The following MTUS2 variants were observed in gnomAD, a reference collection of about 807,000 sequenced individuals.
MTUS2 encodes microtubule-associated tumor suppressor candidate 2.
A neutral mutation model predicts 114.1 loss-of-function variants in MTUS2; 40 were observed. That is an observed-to-expected ratio of 0.35 (90% confidence interval 0.27 to 0.46). The LOEUF (loss-of-function observed/expected upper bound fraction) is 0.46, where lower values mean the gene tolerates loss of function less well. Among genes scored for constraint, MTUS2 ranks in the 20% least tolerant of loss-of-function variants. The pLI is 1.00. For missense variants in MTUS2, 1,679 were observed against 1,705.4 expected (o/e 0.98, Z 0.27); for synonymous variants, 688 against 672.0 (o/e 1.02, Z -0.37).
chr13:29,164,732 G>A (rs1400801594), intron 5 of MTUS2, among the ~76,000 whole-genome samples: 2 of 152,120 alleles, frequency 1.3e-5, no homozygotes, highest in Non-Finnish European at 2.9e-5. Context: ...AATGGTGGGT[G>A]ATTTCTGATA....
intron 5 of MTUS2, among the ~76,000 whole-genome samples, chr13:29,121,860 A>G (rs1182824250): frequency 6.6e-6 from 1 of 151,540 alleles, no homozygotes; most frequent in Non-Finnish European, 1.5e-5. Context: ...GGGTTTCTCC[A>G]TGTTGGTCAG....
chr13:29,437,219 T>A (rs1877479541), intron 8 of MTUS2, among the ~76,000 whole-genome samples: 1 of 152,264 alleles, frequency 6.6e-6, no homozygotes, highest in Non-Finnish European at 1.5e-5. Flanking sequence ...GATTGTTCAC[T>A]GCCTGGCCCA....
intron 6 of MTUS2, among the ~76,000 whole-genome samples, chr13:29,307,963 C>A (rs924071549): frequency 7.2e-5 from 11 of 152,102 alleles, no homozygotes; most frequent in South Asian, 2.1e-4. Flanking sequence ...TCAATAAAGT[C>A]CCCTGTGCTC....
At chr13:29,340,015 G>C (rs1396249711) in intron 7 of MTUS2, 1 of 152,502 alleles carries the variant, frequency 6.6e-6, no homozygotes, top group African/African-American at 2.4e-5. Context: ...TGCGGCCGGG[G>C]CCAAGTGTGC....
intron 8 of MTUS2, among the ~76,000 whole-genome samples, chr13:29,398,599 CA>C (rs1445452553): frequency 6.6e-6 from 1 of 151,554 alleles, no homozygotes; most frequent in Non-Finnish European, 1.5e-5. Flanking sequence ...AAACTAAAAG[CA>C]AAAAATCTAA....
At position 29,198,687 on chromosome 13, in the gene MTUS2, C is replaced by T. The variant is rs534657236; in HGVS notation, c.2645-83017C>T. On this transcript the variant is annotated intron_variant, in intron 5 of 15. Coordinates refer to ENST00000612955, the MANE Select transcript of MTUS2 (RefSeq NM_001033602.4). ...TATGGCCATTTTCATGAAATTGATT[C>T]TTCCTATCCATGAGCATGGAATGTT... is the stretch of plus-strand genomic sequence containing the variant. Among the ~76,000 whole-genome samples, 53 of 152,090 alleles carry T rather than the reference C, an allele frequency of 3.5e-4. 1 individual carries two copies. Among genetic ancestry groups the T allele is most frequent in the Non-Finnish European group, 7.4e-4 (50 of 68,020 alleles).
At chr13:28,943,981 G>A (rs1593320055) in intron 2 of MTUS2, among the ~76,000 whole-genome samples, 3 of 152,014 alleles carry the variant, frequency 2.0e-5, no homozygotes, top group Non-Finnish European at 4.4e-5. Flanking sequence ...TTTTTTCCTA[G>A]TTTTTTGTTT....
chr13:29,368,159 C>CG (rs1870893135), intron 8 of MTUS2, among the ~76,000 whole-genome samples: 2 of 151,750 alleles, frequency 1.3e-5, no homozygotes, highest in South Asian at 4.2e-4. Flanking sequence ...AGGATGGTCT[C>CG]GATCTCCTGA....
At position 29,216,877 on chromosome 13, in the gene MTUS2, A is replaced by C. The variant is rs1368806539; in HGVS notation, c.2645-64827A>C. ...TTTTACAAATTCCCACCAACAGTGCACAAGAGTTTCAGTTTTCCCACACCC... is the reference window on the plus strand; with the variant it reads ...TTTTACAAATTCCCACCAACAGTGCCCAAGAGTTTCAGTTTTCCCACACCC... On this transcript the variant is annotated intron_variant, in intron 5 of 15. Coordinates refer to ENST00000612955, the MANE Select transcript of MTUS2 (RefSeq NM_001033602.4). 3.9e-5 allele frequency among the ~76,000 whole-genome samples: 6 copies of C among 152,190 alleles called. No individual in the cohort carries two copies. In the East Asian group the frequency reaches 1.2e-3, roughly 29 times the overall value.
intron 5 of MTUS2, among the ~76,000 whole-genome samples, chr13:29,115,058 T>C (rs935124705): frequency 2.6e-4 from 39 of 152,174 alleles, no homozygotes; most frequent in African/African-American, 6.3e-4. Flanking sequence ...ATGCAAGATG[T>C]GAGAGAAATG....
In MTUS2 at chr13:29,054,792, C is replaced by G. The variant is rs1009607961; in HGVS notation, c.2446+20667C>G. On this transcript the variant is annotated intron_variant, in intron 4 of 15. Coordinates refer to ENST00000612955, the MANE Select transcript of MTUS2 (RefSeq NM_001033602.4). ...TAGGATATGTATTTTTGTTATCTTT[C>G]AATTGAGAAGATTTTCTAATTTCTC... Among the ~76,000 whole-genome samples, 7 of 152,012 alleles carry G rather than the reference C, an allele frequency of 4.6e-5. No individual in the cohort carries two copies. The East Asian group carries it at 1.3e-3, about 29-fold the overall frequency.
At chr13:29,072,472 T>C (rs1466689006) in intron 4 of MTUS2, among the ~76,000 whole-genome samples, 1 of 152,192 alleles carries the variant, frequency 6.6e-6, no homozygotes, top group Non-Finnish European at 1.5e-5. Flanking sequence ...TGAGGGCATT[T>C]CAACTGTATT....
chr13:28,832,705 ATAAG>A lies in MTUS2; in HGVS notation c.-315-7070_-315-7067del, dbSNP rs1458932499. ...TATATTTATATAAATATAAATAAAA[ATAAG>A]TACACAATGTAAACTATAGTAAGGA... On this transcript the variant is annotated intron_variant, in intron 1 of 15. Transcript: ENST00000612955. Among the ~76,000 whole-genome samples the A allele has an allele frequency of 4.0e-5, 6 of 148,312 alleles. No individual in the cohort carries two copies. In the East Asian group the frequency reaches 5.8e-4, roughly 14 times the overall value.
At chr13:29,241,235 CT>C (rs1397689738) in intron 5 of MTUS2, among the ~76,000 whole-genome samples, 7 of 152,138 alleles carry the variant, frequency 4.6e-5, no homozygotes, top group African/African-American at 1.7e-4. Context: ...CCACTTACCT[CT>C]GTCCATTTCT....
intron 13 of MTUS2, chr13:29,497,904 A>T (rs1882651118): frequency 1.2e-5 from 2 of 164,614 alleles, no homozygotes; most frequent in Non-Finnish European, 2.7e-5. Context: ...ATTTAACAGG[A>T]CACACTATAT....
At chr13:29,286,672 G>GTCTATCTATCTATCTATCTA (rs1555261573) in intron 6 of MTUS2, among the ~76,000 whole-genome samples, 1,536 of 110,992 alleles carry the variant, frequency 0.014, 13 homozygotes, top group African/African-American at 0.016. Flanking sequence ...CTGTCTGTCT[G>GTCTATCTATCTATCTATCTA]TCTATCTATC....
chr13:28,967,823 T>G (rs551436694), intron 2 of MTUS2, among the ~76,000 whole-genome samples: 4 of 152,310 alleles, frequency 2.6e-5, no homozygotes, highest in Admixed American at 2.6e-4. Flanking sequence ...TCTGTGTATA[T>G]AGAGAGAGCC....
intron 8 of MTUS2, among the ~76,000 whole-genome samples, chr13:29,383,793 G>T (rs1014959786): frequency 6.6e-6 from 1 of 152,136 alleles, no homozygotes; most frequent in Non-Finnish European, 1.5e-5. Context: ...AAGGAGATGC[G>T]GCACCTGGAG....
intron 9 of MTUS2, among the ~76,000 whole-genome samples, chr13:29,443,121 C>A (rs1474517551): frequency 2.0e-5 from 3 of 152,138 alleles, no homozygotes; most frequent in East Asian, 3.9e-4. Flanking sequence ...ACCTCTCTGT[C>A]CCACAAGTTC....
Sources: gnomAD v4.1 joint callset for allele counts (sites outside exome capture counted in the v4.1 genomes callset) on GRCh38, gnomAD v4.1.1 for gene constraint, MANE v1.5 for transcripts, NCBI Gene and HGNC (gene_info 2026-07-23, HGNC 2026-07-21) for gene names.